MTUS2: variants seen among roughly 807,000 people sequenced by gnomAD.
The protein encoded by MTUS2 is microtubule associated scaffold protein 2.
A neutral mutation model predicts 114.1 loss-of-function variants in MTUS2; 40 were observed. The ratio of observed to expected loss-of-function variants is 0.35; its 90% CI spans 0.27 to 0.46. MTUS2 has a LOEUF of 0.46. MTUS2 is among the 20% of genes least tolerant of loss of function. The pLI, the probability that MTUS2 is intolerant of heterozygous loss-of-function variation, is 1.00. For synonymous variants in MTUS2, 688 were observed against 672.0 expected (o/e 1.02, Z -0.37); for missense variants, 1,679 against 1,705.4 (o/e 0.98, Z 0.27).
intron 2 of MTUS2, among the ~76,000 whole-genome samples, chr13:29,014,901 T>A (rs1013410768): frequency 1.3e-5 from 2 of 152,206 alleles, no homozygotes; most frequent in Admixed American, 6.5e-5. Context: ...TGGTAGGAGA[T>A]GTGTGGCTTC....
intron 8 of MTUS2, among the ~76,000 whole-genome samples, chr13:29,410,654 G>A (rs974783720): frequency 6.6e-6 from 1 of 152,036 alleles, no homozygotes; most frequent in Non-Finnish European, 1.5e-5. Flanking sequence ...GTGACACATG[G>A]TGCAAACATT....
intron 3 of MTUS2, among the ~76,000 whole-genome samples, chr13:29,033,221 T>C (rs1318389505): frequency 6.6e-6 from 1 of 152,238 alleles, no homozygotes; most frequent in Non-Finnish European, 1.5e-5. Flanking sequence ...ACTTCCATTC[T>C]GGTGAAACTT....
chr13:29,468,585 TACACAC>T (rs59451142), intron 9 of MTUS2, among the ~76,000 whole-genome samples: 2 of 146,754 alleles, frequency 1.4e-5, no homozygotes, highest in Non-Finnish European at 3.0e-5. Flanking sequence ...TGTCTCAAAA[TACACAC>T]ACACACACAC....
chr13:29,351,857 G>C (rs1366460124), intron 7 of MTUS2, among the ~76,000 whole-genome samples: 1 of 151,010 alleles, frequency 6.6e-6, no homozygotes, highest in African/African-American at 2.4e-5. Flanking sequence ...TCAAGCCATC[G>C]TCCCGCCTTG....
At chr13:28,874,320 A>G (rs1163424310) in intron 2 of MTUS2, among the ~76,000 whole-genome samples, 2 of 152,212 alleles carry the variant, frequency 1.3e-5, no homozygotes, top group Admixed American at 6.5e-5. Flanking sequence ...ATTTTTAGCC[A>G]TCTTTCAAGA....
chr13:29,378,562 C>T (rs967888157), intron 8 of MTUS2, among the ~76,000 whole-genome samples: 3 of 151,974 alleles, frequency 2.0e-5, no homozygotes, highest in Admixed American at 6.6e-5. Context: ...GCCCAGAGCT[C>T]GGCAAAAACT....
At chr13:29,068,369 A>G (rs1252455006) in intron 4 of MTUS2, among the ~76,000 whole-genome samples, 1 of 152,058 alleles carries the variant, frequency 6.6e-6, no homozygotes, top group Non-Finnish European at 1.5e-5. Context: ...TAAAAATCCA[A>G]GTTTCCTCCG....
At chr13:29,452,558 G>GTA (rs140653029) in intron 9 of MTUS2, among the ~76,000 whole-genome samples, 47 of 120,188 alleles carry the variant, frequency 3.9e-4, no homozygotes, top group African/African-American at 1.3e-3. Flanking sequence ...ACCCAACTGT[G>GTA]TATATATATA....
At chr13:28,997,214 T>A (rs574066440) in intron 2 of MTUS2, among the ~76,000 whole-genome samples, 7,190 of 152,218 alleles carry the variant, frequency 0.047, 216 homozygotes, top group South Asian at 0.07. Flanking sequence ...TTTGAGTGAG[T>A]TTCTTAATCC....
intron 4 of MTUS2, among the ~76,000 whole-genome samples, chr13:29,073,073 C>T (rs1057397750): frequency 6.6e-6 from 1 of 151,954 alleles, no homozygotes; most frequent in Non-Finnish European, 1.5e-5. Context: ...TTATTCTAAT[C>T]CGGTGGAAAA....
intron 1 of MTUS2, among the ~76,000 whole-genome samples, chr13:28,820,960 C>T (rs902486706): frequency 2.0e-5 from 3 of 152,148 alleles, no homozygotes; most frequent in Non-Finnish European, 2.9e-5. Context: ...GTGTTATTTC[C>T]TTCAAGCTTT....
chr13:29,393,986 G>A (rs1297545605), intron 8 of MTUS2, among the ~76,000 whole-genome samples: 1 of 152,160 alleles, frequency 6.6e-6, no homozygotes, highest in African/African-American at 2.4e-5. Flanking sequence ...GACAGAATGG[G>A]AGGCAGGTTT....
intron 15 of MTUS2, 23 bp from the exon 16 acceptor site, chr13:29,502,970 T>C: frequency 6.2e-7 from 1 of 1,611,260 alleles, no homozygotes; most frequent in Non-Finnish European, 8.5e-7. Flanking sequence ...GATTGCTACT[T>C]ATTTGTCATT....
At chr13:29,254,983 CTGAG>C (rs1388587340) in intron 5 of MTUS2, among the ~76,000 whole-genome samples, 1 of 152,218 alleles carries the variant, frequency 6.6e-6, no homozygotes, top group African/African-American at 2.4e-5. Flanking sequence ...GCTTGTTTCT[CTGAG>C]TGGCTTACTT....
chr13:29,454,744 C>G (rs1361472316), intron 9 of MTUS2, among the ~76,000 whole-genome samples: 1 of 152,226 alleles, frequency 6.6e-6, no homozygotes, highest in Non-Finnish European at 1.5e-5. Context: ...CTAATGGCAT[C>G]TTGCCGAGAT....
chr13:28,833,021 A>G (rs1398874347), intron 1 of MTUS2, among the ~76,000 whole-genome samples: 1 of 152,158 alleles, frequency 6.6e-6, no homozygotes, highest in Non-Finnish European at 1.5e-5. Flanking sequence ...TGACTCAAGA[A>G]GAAAGGGCAG....
chr13:29,199,367 A>G (rs1894839655), intron 5 of MTUS2, among the ~76,000 whole-genome samples: 1 of 152,156 alleles, frequency 6.6e-6, no homozygotes, highest in Non-Finnish European at 1.5e-5. Context: ...ATGTTCCATA[A>G]ATACTTAGTT....
intron 2 of MTUS2, among the ~76,000 whole-genome samples, chr13:28,932,296 A>G (rs1881661855): frequency 6.6e-6 from 1 of 152,218 alleles, no homozygotes; most frequent in Non-Finnish European, 1.5e-5. Context: ...GGTGGGAAAT[A>G]AGGTTCATCT....
intron 5 of MTUS2, among the ~76,000 whole-genome samples, chr13:29,262,410 C>T (rs1371438973): frequency 3.3e-5 from 5 of 151,868 alleles, no homozygotes; most frequent in African/African-American, 9.7e-5. Context: ...TCCCCTGTTT[C>T]CTGAAAAGAA....
Sources: allele counts gnomAD v4.1 joint callset (sites outside exome capture counted in the v4.1 genomes callset), GRCh38; gene constraint gnomAD v4.1.1; transcripts MANE v1.5; gene names NCBI Gene and HGNC (gene_info 2026-07-23, HGNC 2026-07-21).